Variants in CORO7 observed in about 807,000 individuals in gnomAD.
CORO7 encodes coronin 7.
CORO7 carries 107 observed loss-of-function variants against 126.6 expected under a neutral mutation model. The observed-to-expected ratio is 0.85, with a 90% confidence interval of 0.72 to 0.99. The LOEUF (loss-of-function observed/expected upper bound fraction) is 0.99, where lower values mean the gene tolerates loss of function less well. Among genes scored for constraint, CORO7 ranks in the 50% least tolerant of loss-of-function variants. CORO7 has a pLI of 0.00. For synonymous variants in CORO7, 603 were observed against 536.8 expected (o/e 1.12, Z -1.70); for missense variants, 1,314 against 1,255.8 (o/e 1.05, Z -0.70).
intron 26 of CORO7, 40 bp from the exon 27 acceptor site, chr16:4,355,412 G>A (rs754061326): frequency 6.3e-7 from 1 of 1,584,422 alleles, no homozygotes; most frequent in Non-Finnish European, 8.6e-7. Flanking sequence ...AAGGGAATAG[G>A]ACTCCCTGTT....
chr16:4,387,098 T>C (rs1002339248), intron 9 of CORO7, among the ~76,000 whole-genome samples: 4 of 152,206 alleles, frequency 2.6e-5, no homozygotes, highest in Non-Finnish European at 5.9e-5. Context: ...AAGGCCCTTA[T>C]AAGTCACGGT....
Position 4,364,852 on chromosome 16 carries a change from T to C in CORO7, c.967A>G (p.Met323Val). The change falls in exon 12 of 28, where the codon ATG becomes GTG. Residue 323 changes from methionine to valine, a missense_variant. Coordinates refer to ENST00000251166, the MANE Select transcript of CORO7 (RefSeq NM_024535.5). ...ALVPRQALAV[M>V]SCEVLRVLQL... ...AGGACGCGGAGTACCTCGCAGCTCA[T>C]GACGGCCAGCGCCTGCCGGGGCACA... is the stretch of plus-strand genomic sequence containing the variant. 1 of 1,612,050 alleles carries C rather than the reference T, an allele frequency of 6.2e-7. No homozygotes were observed. Among genetic ancestry groups the C allele is most frequent in the South Asian group, 1.1e-5 (1 of 90,968 alleles).
chr16:4,369,527 T>A (rs1449328101), intron 9 of CORO7, among the ~76,000 whole-genome samples: 1 of 152,132 alleles, frequency 6.6e-6, no homozygotes, highest in Non-Finnish European at 1.5e-5. Context: ...CCCCCGCCCC[T>A]CAGCCAGGTC....
rs376987952 is a variant in CORO7, at chr16:4,369,871, C to T, written c.786-4326G>A. ...CCACCCCCACAGCCCCTAGCTCCCC[C>T]GCTGTGTGCAGACTGCTGGTAACCA... is the stretch of plus-strand genomic sequence containing the variant. On this transcript the variant is annotated intron_variant, in intron 9 of 27. Coordinates refer to ENST00000251166, the MANE Select transcript of CORO7 (RefSeq NM_024535.5). Among the ~76,000 whole-genome samples the T allele has an allele frequency of 1.9e-3, 286 of 152,226 alleles. 2 individuals are homozygous for T. The highest frequency in any genetic ancestry group is 6.3e-3 in the African/African-American group (262 of 41,520).
At chr16:4,376,103 G>T (rs1450069009) in intron 9 of CORO7, among the ~76,000 whole-genome samples, 1 of 152,182 alleles carries the variant, frequency 6.6e-6, no homozygotes, top group African/African-American at 2.4e-5. Context: ...TATAGGGAGG[G>T]TCTACCTGCC....
rs1311748001 is a variant in CORO7, at chr16:4,362,773, T to G, written c.1276-35A>C. 1.5e-6 allele frequency: 2 copies of G among 1,325,478 alleles called. No homozygotes were observed. The highest frequency in any genetic ancestry group is 1.9e-6 in the Non-Finnish European group (2 of 1,033,730). The allele number at this position is 1,325,478 out of a possible 1,614,324, so 82.1% of individuals were successfully genotyped here. The stretch of plus-strand genomic sequence containing the variant: ...GGCATGGGGTCAGCCAGCCTGCTCC[T>G]AGGTGTACTGGCCAAAAGGAGGGGG... On this transcript the variant is annotated intron_variant, in intron 14 of 27. Coordinates refer to ENST00000251166, the MANE Select transcript of CORO7 (RefSeq NM_024535.5). This position sits in a 1 kb window ranked among gnomAD's most constrained non-coding sequence, Gnocchi z 5.3.
rs369899396 is a variant in CORO7, at chr16:4,365,600, C to G, written c.786-55G>C. On this transcript the variant is annotated intron_variant, in intron 9 of 27. Transcript: ENST00000251166. The stretch of plus-strand genomic sequence containing the variant: ...AGGGCAGTGGGAGGGCTGCCAGACT[C>G]GTAACCCCATGTAGGAGCCCAGGAC... 2.6e-6 allele frequency: 4 copies of G among 1,550,736 alleles called. No homozygotes were observed. In the Admixed American group the frequency reaches 7.8e-5, roughly 30 times the overall value.
chr16:4,357,101 AAG>A, intron 26 of CORO7, 65 bp downstream of exon 26: 1 of 1,596,742 alleles, frequency 6.3e-7, no homozygotes. Flanking sequence ...ATGGAGAACT[AAG>A]GGGCCGTGGC....
intron 6 of CORO7, among the ~76,000 whole-genome samples, chr16:4,400,825 A>AATAATAATAATG (rs1567295475): frequency 3.3e-5 from 5 of 149,670 alleles, no homozygotes; most frequent in African/African-American, 1.2e-4. Context: ...TAATAATAAT[A>AATAATAATAATG]ATAATAATGT....
intron 9 of CORO7, among the ~76,000 whole-genome samples, chr16:4,379,477 C>T (rs544866717): frequency 1.6e-4 from 25 of 152,226 alleles, no homozygotes; most frequent in East Asian, 1.9e-4. Flanking sequence ...CTGGAGGGCA[C>T]GCACCCTTCA....
rs1160701861 is a variant in CORO7 at position 4,354,578 on chromosome 16, C to T, written c.*580G>A. ...AAAAAGTTTAATTGCTGAAAACATCCAAGGCAGGTGCGGGCCAGTCCCTGC... is the reference window on the plus strand; with the variant it reads ...AAAAAGTTTAATTGCTGAAAACATCTAAGGCAGGTGCGGGCCAGTCCCTGC... On this transcript the variant is annotated 3_prime_UTR_variant, in exon 28 of 28. Coordinates refer to ENST00000251166, the MANE Select transcript of CORO7 (RefSeq NM_024535.5). 6.5e-6 allele frequency: 1 copy of T among 153,920 alleles called. No individual in the cohort carries two copies. Among genetic ancestry groups the T allele is most frequent in the Admixed American group, 6.5e-5 (1 of 15,314 alleles). 9.5% of individuals were successfully genotyped at this position (153,920 alleles called of 1,614,324 possible).
At chr16:4,408,514 C>A (rs1331749222) in intron 3 of CORO7, among the ~76,000 whole-genome samples, 1 of 152,188 alleles carries the variant, frequency 6.6e-6, no homozygotes, top group African/African-American at 2.4e-5. Flanking sequence ...GCTTGAGTCA[C>A]CAGGCACCTG....
At chr16:4,365,624 A>ATGGC in intron 9 of CORO7, 79 bp from the exon 10 acceptor site, 1 of 1,523,124 alleles carries the variant, frequency 6.6e-7, no homozygotes, top group Admixed American at 2.0e-5. Context: ...GGAGCCCAGG[A>ATGGC]CAGGCACCAC....
At chr16:4,382,615 C>T in intron 9 of CORO7, 2 of 1,580,552 alleles carry the variant, frequency 1.3e-6, no homozygotes, top group African/African-American at 2.7e-5. Context: ...CCTCATTGCG[C>T]CCGCCCTGGC....
intron 9 of CORO7, chr16:4,382,163 C>G (rs199693342): frequency 6.3e-7 from 1 of 1,592,736 alleles, no homozygotes; most frequent in Non-Finnish European, 8.5e-7. Flanking sequence ...CACCACCTGG[C>G]GTGCTTGTGC....
intron 9 of CORO7, among the ~76,000 whole-genome samples, chr16:4,373,629 C>T (rs1004940194): frequency 2.0e-5 from 3 of 152,122 alleles, no homozygotes; most frequent in Non-Finnish European, 4.4e-5. Flanking sequence ...GAGATGGGTC[C>T]GCGGCTCCTA....
intron 9 of CORO7, among the ~76,000 whole-genome samples, chr16:4,375,732 C>T (rs1173510722): frequency 3.3e-5 from 5 of 152,226 alleles, no homozygotes; most frequent in Admixed American, 2.0e-4. Flanking sequence ...TCGTGATCGT[C>T]CTACCTCGGC....
intron 6 of CORO7, among the ~76,000 whole-genome samples, chr16:4,403,898 A>C (rs1006448639): frequency 2.6e-5 from 4 of 152,108 alleles, no homozygotes; most frequent in Non-Finnish European, 4.4e-5. Flanking sequence ...GCCAGGGCTC[A>C]TCCCTCAAGG....
At chr16:4,391,964 G>A (rs933219792) in intron 7 of CORO7, among the ~76,000 whole-genome samples, 1 of 152,190 alleles carries the variant, frequency 6.6e-6, no homozygotes, top group East Asian at 1.9e-4. Context: ...TCACCATGGC[G>A]ACACTTCCTG....
Sources: allele counts gnomAD v4.1 joint callset (sites outside exome capture counted in the v4.1 genomes callset), GRCh38; gene constraint gnomAD v4.1.1; non-coding constraint Gnocchi (gnomAD v3.1); transcripts MANE v1.5; gene names NCBI Gene and HGNC (gene_info 2026-07-23, HGNC 2026-07-21).